EDA: variants seen among roughly 807,000 people sequenced by gnomAD.
EDA encodes ectodysplasin A.
A neutral mutation model predicts 23.6 loss-of-function variants in EDA; 2 were observed. The ratio of observed to expected loss-of-function variants is 0.08; its 90% confidence interval spans 0.03 to 0.27. The LOEUF is 0.27. EDA is among the 10% of genes least tolerant of loss of function. The probability of loss-of-function intolerance (pLI) is 1.00; values close to 1 mark genes in which losing one functional copy is unlikely to be tolerated. For missense variants in EDA, 229 were observed against 324.2 expected, an observed-to-expected ratio of 0.71 and a Z score of 2.26; for synonymous variants, 131 against 132.0, an observed-to-expected ratio of 0.99 and a Z score of 0.05.
chrX:69,837,130 G>A (rs1477001753), intron 1 of EDA, among the ~76,000 whole-genome samples: 2 of 111,297 alleles, frequency 1.8e-5, no homozygotes, highest in African/African-American at 3.3e-5. Flanking sequence ...TAATCACATC[G>A]GGGTAAAACC....
At chrX:69,661,062 A>C (rs1232774221) in intron 1 of EDA, among the ~76,000 whole-genome samples, 1 of 110,320 alleles carries the variant, frequency 9.1e-6, no homozygotes, top group Non-Finnish European at 1.9e-5. Flanking sequence ...ATGGTATCTC[A>C]TGGTGGTTTT....
chrX:69,712,884 A>G (rs1054251793), intron 1 of EDA, among the ~76,000 whole-genome samples: 3 of 111,056 alleles, frequency 2.7e-5, no homozygotes, highest in Non-Finnish European at 5.7e-5. Context: ...TGCAGCCATA[A>G]AAAAATGATG....
chrX:69,955,308 T>C (rs1413822195), intron 1 of EDA, among the ~76,000 whole-genome samples: 2 of 112,247 alleles, frequency 1.8e-5, no homozygotes, highest in African/African-American at 6.5e-5. Flanking sequence ...TGTTGATTGA[T>C]ATTCAACCAT....
intron 1 of EDA, among the ~76,000 whole-genome samples, chrX:69,698,608 TA>T (rs778875940): frequency 2.1e-4 from 23 of 111,561 alleles, no homozygotes; most frequent in Non-Finnish European, 4.0e-4. Context: ...AAAGGGACTA[TA>T]AAAAGAGGGT....
chrX:69,635,386 G>A (rs1005153258), intron 1 of EDA, among the ~76,000 whole-genome samples: 1 of 110,240 alleles, frequency 9.1e-6, no homozygotes, highest in African/African-American at 3.3e-5. Context: ...TATAGCATAG[G>A]CAACTTGAAA....
At chrX:69,952,196 T>C (rs954191841) in intron 1 of EDA, among the ~76,000 whole-genome samples, 1 of 112,207 alleles carries the variant, frequency 8.9e-6, no homozygotes, top group African/African-American at 3.2e-5. Context: ...CTTATTTTTA[T>C]TGAAAAAATA....
At chrX:69,910,680 A>G (rs1288167896) in intron 1 of EDA, among the ~76,000 whole-genome samples, 1 of 110,626 alleles carries the variant, frequency 9.0e-6, no homozygotes, top group Non-Finnish European at 1.9e-5. Flanking sequence ...CTGTGAATCT[A>G]TCACGTTCAC....
intron 1 of EDA, among the ~76,000 whole-genome samples, chrX:69,815,788 T>C (rs1278195420): frequency 8.9e-6 from 1 of 111,853 alleles, no homozygotes; most frequent in African/African-American, 3.2e-5. Flanking sequence ...GTGGTCTTGA[T>C]GGGGAAGGTC....
intron 2 of EDA, among the ~76,000 whole-genome samples, chrX:69,976,224 A>C (rs1041376683): frequency 1.8e-5 from 2 of 112,099 alleles, no homozygotes; most frequent in African/African-American, 6.5e-5. Context: ...GACACGGTTA[A>C]GAATTAAGAA....
intron 1 of EDA, among the ~76,000 whole-genome samples, chrX:69,666,976 T>C (rs959649262): frequency 1.8e-5 from 2 of 111,374 alleles, no homozygotes; most frequent in Non-Finnish European, 3.8e-5. Flanking sequence ...TATTTGTTAT[T>C]AGTCTGTTCA....
In EDA at chrX:69,909,594, C is replaced by T. The variant is rs189565675; in HGVS notation, c.397-47433C>T. Among the ~76,000 whole-genome samples the T allele has an allele frequency of 1.9e-4, 21 of 112,757 alleles. No homozygotes were observed. In the East Asian group the frequency reaches 4.7e-3, roughly 25 times the overall value. On this transcript the variant is annotated intron_variant, in intron 1 of 7. Coordinates refer to ENST00000374552, the MANE Select transcript of EDA (RefSeq NM_001399.5). ...GATTACAGGCGTGAGCCACCGCGCC[C>T]GGCCCTTCTACAATTATTTGTACCA...
intron 1 of EDA, among the ~76,000 whole-genome samples, chrX:69,934,896 A>G (rs1432868636): frequency 9.0e-6 from 1 of 111,159 alleles, no homozygotes; most frequent in Non-Finnish European, 1.9e-5. Flanking sequence ...GATCTTATTC[A>G]TTCTATCTAA....
At chrX:69,906,746 CACAT>C (rs1248172472) in intron 1 of EDA, among the ~76,000 whole-genome samples, 1 of 111,690 alleles carries the variant, frequency 9.0e-6, no homozygotes, top group Non-Finnish European at 1.9e-5. Flanking sequence ...CACGCACACA[CACAT>C]ACACGCACGC....
intron 1 of EDA, among the ~76,000 whole-genome samples, chrX:69,873,667 A>G (rs1223877544): frequency 8.9e-6 from 1 of 112,265 alleles, no homozygotes; most frequent in African/African-American, 3.2e-5. Context: ...ATTCTAAGAG[A>G]GAATTGAAAT....
chrX:69,950,727 G>T (rs1180498890), intron 1 of EDA, among the ~76,000 whole-genome samples: 82 of 86,471 alleles, frequency 9.5e-4, no homozygotes, highest in African/African-American at 3.5e-3. Context: ...TTAAGAAAAT[G>T]TGGCACATAT....
chrX:69,867,700 GT>G (rs1391844949), intron 1 of EDA, among the ~76,000 whole-genome samples: 1 of 112,193 alleles, frequency 8.9e-6, no homozygotes, highest in African/African-American at 3.2e-5. Flanking sequence ...TGAACAGGCT[GT>G]AATCTTCTCT....
intron 2 of EDA, among the ~76,000 whole-genome samples, chrX:69,965,123 G>A (rs909207720): frequency 1.8e-5 from 2 of 111,525 alleles, no homozygotes; most frequent in Admixed American, 1.9e-4. Flanking sequence ...TGGGAGGACA[G>A]GGAATGTCTC....
chrX:69,686,766 T>C (rs1201462854), intron 1 of EDA, among the ~76,000 whole-genome samples: 1 of 111,982 alleles, frequency 8.9e-6, no homozygotes, highest in Non-Finnish European at 1.9e-5. Flanking sequence ...TGTATTTCAT[T>C]CTTTTTATGG....
At chrX:70,033,212 G>A (rs1214076048) in intron 6 of EDA, among the ~76,000 whole-genome samples, 186 bp from the exon 7 acceptor site, 1 of 112,972 alleles carries the variant, frequency 8.9e-6, no homozygotes, top group African/African-American at 3.2e-5. Context: ...CCTGAAGCAG[G>A]CCTGGCAGCT....
Sources: gnomAD v4.1 joint callset for allele counts (sites outside exome capture counted in the v4.1 genomes callset) on GRCh38, gnomAD v4.1.1 for gene constraint, MANE v1.5 for transcripts, NCBI Gene and HGNC (gene_info 2026-07-23, HGNC 2026-07-21) for gene names.